Variants in CPLX2 observed in about 807,000 individuals in gnomAD.
CPLX2 encodes complexin 2.
A neutral mutation model predicts 16.3 loss-of-function variants in CPLX2; 5 were observed. The observed-to-expected ratio is 0.31, with a 90% CI of 0.16 to 0.64. CPLX2 has a LOEUF of 0.64. Ranked by LOEUF, CPLX2 falls within the 30% of genes least tolerant of loss-of-function variation. The pLI is 0.79. For missense variants in CPLX2, 144 were observed against 181.4 expected (o/e 0.79, Z 1.18); for synonymous variants, 89 against 73.2 (o/e 1.22, Z -1.10).
chr5:175,863,777 G>A (rs1305599020), intron 2 of CPLX2, among the ~76,000 whole-genome samples: 2 of 152,206 alleles, frequency 1.3e-5, no homozygotes, highest in African/African-American at 2.4e-5. Context: ...TCTTGGGCCT[G>A]AAGTCTAAGT....
intron 2 of CPLX2, among the ~76,000 whole-genome samples, chr5:175,866,344 C>T (rs906425204): frequency 6.6e-6 from 1 of 152,052 alleles, no homozygotes; most frequent in African/African-American, 2.4e-5. Flanking sequence ...GGAGAGGAGA[C>T]AGAAGTCATA....
chr5:175,873,242 G>T (rs1013090947), intron 1 of CPLX2, among the ~76,000 whole-genome samples: 1 of 141,094 alleles, frequency 7.1e-6, no homozygotes, highest in Non-Finnish European at 1.5e-5. Flanking sequence ...CAGCACTCCC[G>T]CAGGCATATG....
At chr5:175,861,738 G>A (rs1759376394) in intron 2 of CPLX2, 1 of 152,236 alleles carries the variant, frequency 6.6e-6, no homozygotes, top group Non-Finnish European at 1.5e-5. Context: ...AGAGAATGTT[G>A]CTTTGTTCAG....
At chr5:175,852,652 T>C (rs1759180207) in intron 2 of CPLX2, among the ~76,000 whole-genome samples, 1 of 152,202 alleles carries the variant, frequency 6.6e-6, no homozygotes, top group African/African-American at 2.4e-5. Context: ...TTCTTCCCAT[T>C]TGGCTACAAG....
At chr5:175,796,561 G>A (rs899984424) in exon 1 of CPLX2, 1 of 152,298 alleles carries the variant, frequency 6.6e-6, no homozygotes, top group African/African-American at 2.4e-5. Context: ...CCCTGGGAGC[G>A]GGTCTGCCCT....
chr5:175,876,524 AAGG>A (rs1759759825), intron 1 of CPLX2, among the ~76,000 whole-genome samples: 1 of 152,028 alleles, frequency 6.6e-6, no homozygotes, highest in Non-Finnish European at 1.5e-5. Context: ...ACCAAGAGAG[AAGG>A]AGGTTTGAGG....
At chr5:175,862,018 C>T (rs1489177105) in intron 2 of CPLX2, among the ~76,000 whole-genome samples, 1 of 152,184 alleles carries the variant, frequency 6.6e-6, no homozygotes, top group South Asian at 2.1e-4. Context: ...GACATGAAGC[C>T]AGCATGCCCC....
intron 2 of CPLX2, among the ~76,000 whole-genome samples, chr5:175,836,268 T>G (rs1286683351): frequency 6.6e-6 from 1 of 152,134 alleles, no homozygotes. Context: ...GAGAATGGCA[T>G]GAACCCGGGA....
chr5:175,815,953 T>C (rs1758399382), intron 2 of CPLX2, among the ~76,000 whole-genome samples: 1 of 152,210 alleles, frequency 6.6e-6, no homozygotes, highest in Admixed American at 6.5e-5. Flanking sequence ...GGAAGGGGCC[T>C]ATAGGGACTG....
At chr5:175,807,546 G>A (rs1229970669) in intron 1 of CPLX2, among the ~76,000 whole-genome samples, 1 of 152,222 alleles carries the variant, frequency 6.6e-6, no homozygotes, top group Non-Finnish European at 1.5e-5. Context: ...CTGGAAACAG[G>A]AACATCTGCC....
intron 2 of CPLX2, among the ~76,000 whole-genome samples, chr5:175,851,020 A>G (rs1001089738): frequency 6.6e-6 from 1 of 151,848 alleles, no homozygotes; most frequent in African/African-American, 2.4e-5. Flanking sequence ...CAAGCAGACC[A>G]GGGATTTGAG....
intron 2 of CPLX2, among the ~76,000 whole-genome samples, chr5:175,832,055 T>G (rs1758744110): frequency 6.6e-6 from 1 of 152,248 alleles, no homozygotes; most frequent in South Asian, 2.1e-4. Context: ...GCTCCTATTA[T>G]TTCCACCATC....
chr5:175,847,656 C>T lies in CPLX2; in HGVS notation c.-88-30996C>T, dbSNP rs182817111. ...AGAGAGAACGGGAGGTCCTGCTTAG[C>T]TGCAGACTCAACAACTCCTGCAGGG... On this transcript the variant is annotated intron_variant, in intron 2 of 4. Coordinates refer to the CPLX2 transcript ENST00000359546. 2.7e-3 allele frequency among the ~76,000 whole-genome samples: 417 copies of T among 152,322 alleles called. 2 individuals carry two copies. Among genetic ancestry groups the T allele is most frequent in the Middle Eastern group, 0.01 (3 of 294 alleles).
chr5:175,837,665 G>T (rs951782533), intron 2 of CPLX2: 4 of 152,242 alleles, frequency 2.6e-5, no homozygotes, highest in African/African-American at 9.7e-5. Flanking sequence ...AATTCATTCA[G>T]TTCATTGTTG....
rs1561794192 is a variant in CPLX2, at chr5:175,880,272, CT to C, written c.*230del. 1.5e-6 allele frequency: 1 copy of C among 646,016 alleles called. No individual in the cohort carries two copies. Among genetic ancestry groups the C allele is most frequent in the South Asian group, 1.6e-5 (1 of 61,006 alleles). 40.0% of individuals were successfully genotyped at this position (646,016 alleles called of 1,614,324 possible). On this transcript the variant is annotated 3_prime_UTR_variant, in exon 4 of 4. Transcript: ENST00000393745. ...AGTAGCTTGAAAAAGGGAGGACAGT[CT>C]TTCCCCAGCAGGGGTCAGGGGGGCC...
chr5:175,833,232 G>A (rs1014386181), intron 2 of CPLX2, among the ~76,000 whole-genome samples: 8 of 152,062 alleles, frequency 5.3e-5, no homozygotes, highest in African/African-American at 1.4e-4. Flanking sequence ...ACAAAGCTTT[G>A]GGATTTTTTG....
At chr5:175,857,992 G>A (rs149866969) in intron 2 of CPLX2, among the ~76,000 whole-genome samples, 9 of 152,328 alleles carry the variant, frequency 5.9e-5, no homozygotes, top group Non-Finnish European at 1.2e-4. Context: ...TGCATACACT[G>A]TCTCAGCCCA....
chr5:175,835,271 C>T (rs982874542), intron 2 of CPLX2, among the ~76,000 whole-genome samples: 1 of 152,298 alleles, frequency 6.6e-6, no homozygotes, highest in Middle Eastern at 3.4e-3. Context: ...AGAAATAGTT[C>T]AATCAATGCA....
upstream of CPLX2, among the ~76,000 whole-genome samples, chr5:175,870,302 C>T (rs549882576): frequency 6.6e-6 from 1 of 152,186 alleles, no homozygotes; most frequent in Non-Finnish European, 1.5e-5. Context: ...CCAATGGCCT[C>T]TGACTGGTGG....
Sources: gnomAD v4.1 joint callset for allele counts (sites outside exome capture counted in the v4.1 genomes callset) on GRCh38, gnomAD v4.1.1 for gene constraint, MANE v1.5 for transcripts, NCBI Gene and HGNC (gene_info 2026-07-23, HGNC 2026-07-21) for gene names.